PXDN: variants seen among roughly 807,000 people sequenced by gnomAD.
PXDN encodes peroxidasin.
PXDN carries 77 observed loss-of-function variants against 140.3 expected under a neutral mutation model. That is an observed-to-expected ratio of 0.55 (90% CI 0.46 to 0.66). The LOEUF (loss-of-function observed/expected upper bound fraction) is 0.66, where lower values mean the gene tolerates loss of function less well. Among genes scored for constraint, PXDN ranks in the 30% least tolerant of loss-of-function variants. The probability of loss-of-function intolerance (pLI) is 0.00; values close to 1 mark genes in which losing one functional copy is unlikely to be tolerated. For synonymous variants in PXDN, 911 were observed against 857.4 expected (o/e 1.06, Z -1.09); for missense variants, 1,838 against 2,039.5 (o/e 0.90, Z 1.90).
intron 1 of PXDN, among the ~76,000 whole-genome samples, chr2:1,701,403 G>A (rs1270661285): frequency 2.0e-5 from 3 of 152,172 alleles, no homozygotes; most frequent in Non-Finnish European, 2.9e-5. Context: ...TCGTGCAGGC[G>A]GCCACAGTGA....
Position 1,649,281 on chromosome 2 carries a change from C to A in PXDN, c.2499G>T (p.Val833=). 6.2e-7 allele frequency: 1 copy of A among 1,613,432 alleles called. No individual in the cohort carries two copies. Among genetic ancestry groups the A allele is most frequent in the Non-Finnish European group, 8.5e-7 (1 of 1,179,780 alleles). Residue 833 remains valine (V), a synonymous_variant, in exon 17 of 23, where the codon GTG becomes GTT. Transcript: ENST00000252804. This position sits in a 1 kb window ranked among gnomAD's most constrained non-coding sequence, Gnocchi z 7.1. ...AGAAGCGTGCCTGGCTCAGGGCCAC[C>A]ACCGTGGAGTCGAGGTCGTGGTCCA... ...QFLDHDLDST[V]VALSQARFSD...
intron 8 of PXDN, chr2:1,676,664 C>A: frequency 1.9e-6 from 1 of 518,714 alleles, no homozygotes; most frequent in Non-Finnish European, 3.5e-6. Flanking sequence ...CCGGGAAGGG[C>A]CGCAGTGACG....
chr2:1,652,806 G>A lies in PXDN; in HGVS notation c.2104+822C>T, dbSNP rs115130721. Reference sequence around the variant, plus strand: ...TCCACGTCTCTTTCATTTAACCATTGAAGAACATTTTTTGCTCTAATCGTA... The same window carrying A: ...TCCACGTCTCTTTCATTTAACCATTAAAGAACATTTTTTGCTCTAATCGTA... On this transcript the variant is annotated intron_variant, in intron 16 of 22. Transcript: ENST00000252804. Among the ~76,000 whole-genome samples, 304 of 152,240 alleles carry A rather than the reference G, an allele frequency of 2.0e-3. 1 individual carries two copies. The highest frequency in any genetic ancestry group is 7.0e-3 in the African/African-American group (289 of 41,538).
chr2:1,643,847 C>T (rs753501158), intron 18 of PXDN, among the ~76,000 whole-genome samples: 2 of 151,880 alleles, frequency 1.3e-5, no homozygotes, highest in Admixed American at 6.6e-5. Flanking sequence ...CCGAGGTGGG[C>T]GGATCACGAG....
chr2:1,687,100 G>A lies in PXDN; in HGVS notation c.416+532C>T, dbSNP rs917806277. ...CACGTTGGCCAAAGAAACTAAGAGC[G>A]TTTCATGACACACTGCATACACTAA... On this transcript the variant is annotated intron_variant, in intron 4 of 22. Transcript: ENST00000252804. This position sits in a 1 kb window ranked among gnomAD's most constrained non-coding sequence, Gnocchi z 4.0. 2.0e-5 allele frequency among the ~76,000 whole-genome samples: 3 copies of A among 152,176 alleles called. No homozygotes were observed. Among genetic ancestry groups the A allele is most frequent in the Admixed American group, 6.5e-5 (1 of 15,276 alleles).
intron 14 of PXDN, among the ~76,000 whole-genome samples, chr2:1,658,072 CTCTCTCTCTCTCTCTCTCTCTGTT>C (rs1392521679): frequency 1.0e-5 from 1 of 95,548 alleles, no homozygotes; most frequent in African/African-American, 4.3e-5. Context: ...CTCTCTCTCT[CTCTCTCTCTCTCTCTCTCTCTGTT>C]ACAGTGTCTG....
intron 22 of PXDN, among the ~76,000 whole-genome samples, chr2:1,635,118 G>A (rs902998003): frequency 2.7e-5 from 4 of 150,622 alleles, no homozygotes; most frequent in African/African-American, 1.0e-4. Flanking sequence ...CTGGTGGGAG[G>A]TGAAGCCAGT....
chr2:1,723,378 A>G (rs1685097998), intron 1 of PXDN, among the ~76,000 whole-genome samples: 1 of 152,108 alleles, frequency 6.6e-6, no homozygotes, highest in African/African-American at 2.4e-5. Flanking sequence ...GGATAAACTA[A>G]TGAATGAATA....
chr2:1,668,188 C>T (rs2125429726), intron 9 of PXDN, among the ~76,000 whole-genome samples: 1 of 152,258 alleles, frequency 6.6e-6, no homozygotes, highest in Non-Finnish European at 1.5e-5. Context: ...CTGACAAAAA[C>T]AAGCAATGGG....
intron 9 of PXDN, chr2:1,669,591 A>G (rs1683528407): frequency 6.6e-6 from 1 of 152,210 alleles, no homozygotes; most frequent in East Asian, 1.9e-4. Context: ...CTGTAATCCC[A>G]GCACTTTGAG....
intron 1 of PXDN, among the ~76,000 whole-genome samples, chr2:1,736,021 T>C (rs901321204): frequency 6.6e-6 from 1 of 152,230 alleles, no homozygotes. Context: ...CTTCTTTCCT[T>C]AAACCTCATG....
rs765189286 is a variant in PXDN, at chr2:1,649,082, G to A, written c.2698C>T (p.Arg900Trp). The stretch of plus-strand genomic sequence containing the variant: ...GAGGTGAGCTGGTTGATCTGCTCCC[G>A]CGGGTACACGGAGTTCATGAGCAGC... ...TSLLMNSVYP[R>W]EQINQLTSYI... is the part of the protein sequence containing the mutation. Residue 900 changes from arginine (R) to tryptophan (W), a missense_variant, in exon 17 of 23, where the codon CGG becomes TGG. Transcript: ENST00000252804. The surrounding 1 kb of genome is among the most constrained non-coding windows in gnomAD (Gnocchi z 7.1). 1 of 1,612,652 alleles carries A rather than the reference G, an allele frequency of 6.2e-7. No homozygotes were observed. Among genetic ancestry groups the A allele is most frequent in the Non-Finnish European group, 8.5e-7 (1 of 1,179,762 alleles).
intron 14 of PXDN, among the ~76,000 whole-genome samples, chr2:1,658,072 CT>C (rs1553359680): frequency 0.02 from 1,902 of 95,590 alleles, 431 homozygotes; most frequent in African/African-American, 0.04. Flanking sequence ...CTCTCTCTCT[CT>C]CTCTCTCTCT....
At chr2:1,653,022 T>A (rs1683049964) in intron 16 of PXDN, 1 of 175,372 alleles carries the variant, frequency 5.7e-6, no homozygotes, top group Non-Finnish European at 1.2e-5. Context: ...CATGAGAAAG[T>A]CAGGGTCTTC....
At chr2:1,740,431 A>G (rs1483053526) in intron 1 of PXDN, among the ~76,000 whole-genome samples, 1 of 152,082 alleles carries the variant, frequency 6.6e-6, no homozygotes, top group Non-Finnish European at 1.5e-5. Context: ...AAAAGGCCCA[A>G]ACACCCACTC....
Position 1,743,652 on chromosome 2 carries a change from G to T in PXDN, c.200+604C>A, listed in dbSNP as rs1436803272. ...GCTGGGGGAGGAGAAGGAAGGGGGG[G>T]AGGAGGAGGGGAAGGGAGGAGGAGG... On this transcript the variant is annotated intron_variant, in intron 1 of 22. Coordinates refer to ENST00000252804, the MANE Select transcript of PXDN (RefSeq NM_012293.3). Among the ~76,000 whole-genome samples the T allele has an allele frequency of 2.8e-5, 4 of 144,752 alleles. No individual in the cohort carries two copies. The South Asian group carries it at 6.9e-4, about 25-fold the overall frequency. 95.0% of individuals were successfully genotyped at this position (144,752 alleles called of 152,430 possible). A position where few individuals can be genotyped will look rare whatever the true frequency, so the allele number is the denominator to read the frequency against.
chr2:1,663,740 G>A lies in PXDN; in HGVS notation c.1432C>T (p.Arg478Trp), dbSNP rs1173493634. 7 of 1,613,140 alleles carry A rather than the reference G, an allele frequency of 4.3e-6. No individual in the cohort carries two copies. The highest frequency in any genetic ancestry group is 5.9e-6 in the Non-Finnish European group (7 of 1,179,858). ...KGGSQLSVDR[R>W]HLVLSSGTLR... ...GTTCCCGATGACAGGACCAGGTGCC[G>A]CCGGTCCACGGAGAGCTGGCTCCCT... The change falls in exon 12 of 23, where the codon CGG becomes TGG. Residue 478 changes from arginine (R) to tryptophan (W), a missense_variant. Transcript: ENST00000252804.
chr2:1,728,236 C>T (rs1685235576), intron 1 of PXDN, among the ~76,000 whole-genome samples: 2 of 152,214 alleles, frequency 1.3e-5, no homozygotes, highest in African/African-American at 4.8e-5. Flanking sequence ...CTGCACCCAG[C>T]CAACTGTCCT....
intron 14 of PXDN, among the ~76,000 whole-genome samples, chr2:1,658,031 T>TCG (rs1194597994): frequency 0.085 from 225 of 2,640 alleles, 5 homozygotes; most frequent in African/African-American, 0.12. Flanking sequence ...CTGTGGGCTC[T>TCG]CTCTCTCTCT....
Sources: gnomAD v4.1 joint callset for allele counts (sites outside exome capture counted in the v4.1 genomes callset) on GRCh38, gnomAD v4.1.1 for gene constraint, Gnocchi (gnomAD v3.1) non-coding constraint, MANE v1.5 for transcripts, NCBI Gene and HGNC (gene_info 2026-07-23, HGNC 2026-07-21) for gene names.